The following SGCZ variants were observed in gnomAD, a reference collection of about 807,000 sequenced individuals.
The protein encoded by SGCZ is zeta-sarcoglycan.
In SGCZ, 40 loss-of-function variants were observed where a neutral mutation model predicts 41.3. That is an observed-to-expected ratio of 0.97 (90% CI 0.75 to 1.26). SGCZ has a LOEUF of 1.26. SGCZ is among the 50% of genes most tolerant of loss of function. The pLI, the probability that SGCZ is intolerant of heterozygous loss-of-function variation, is 0.00. For missense variants in SGCZ, 552 were observed against 369.8 expected (o/e 1.49, Z -4.04); for synonymous variants, 206 against 137.5 (o/e 1.50, Z -3.49).
At chr8:15,036,407 G>A (rs1803878694) in intron 1 of SGCZ, among the ~76,000 whole-genome samples, 1 of 152,074 alleles carries the variant, frequency 6.6e-6, no homozygotes, top group African/African-American at 2.4e-5. Context: ...CTATTGGAGG[G>A]TATAGAGTTG....
intron 1 of SGCZ, among the ~76,000 whole-genome samples, chr8:14,974,910 A>G (rs1483405236): frequency 6.6e-6 from 1 of 151,896 alleles, no homozygotes; most frequent in Non-Finnish European, 1.5e-5. Context: ...TCTGCCTCCA[A>G]TCTGGACCAA....
intron 1 of SGCZ, among the ~76,000 whole-genome samples, chr8:15,046,940 A>G (rs532955959): frequency 2.0e-5 from 3 of 152,066 alleles, no homozygotes; most frequent in Non-Finnish European, 4.4e-5. Flanking sequence ...AAAAACTTTC[A>G]AAATTGTTCA....
intron 1 of SGCZ, among the ~76,000 whole-genome samples, chr8:14,627,650 A>G (rs895403422): frequency 3.3e-5 from 5 of 152,078 alleles, no homozygotes; most frequent in African/African-American, 1.2e-4. Context: ...CCTATGAAAT[A>G]TTCTCATTTT....
chr8:14,552,552 C>T (rs1803903958), intron 2 of SGCZ, among the ~76,000 whole-genome samples: 1 of 152,162 alleles, frequency 6.6e-6, no homozygotes, highest in East Asian at 1.9e-4. Context: ...TAAATACCAA[C>T]ACTCCTATGG....
intron 1 of SGCZ, among the ~76,000 whole-genome samples, chr8:15,164,768 T>G (rs748257506): frequency 4.6e-5 from 7 of 152,040 alleles, no homozygotes; most frequent in Non-Finnish European, 1.0e-4. Context: ...GCCAATCTGG[T>G]GTGCTTTGCA....
At chr8:14,509,647 T>C (rs2117071760) in intron 2 of SGCZ, among the ~76,000 whole-genome samples, 1 of 152,252 alleles carries the variant, frequency 6.6e-6, no homozygotes, top group South Asian at 2.1e-4. Flanking sequence ...AGAGGCCTTT[T>C]CACTCCCACA....
At chr8:15,161,708 C>T (rs892014502) in intron 1 of SGCZ, among the ~76,000 whole-genome samples, 2 of 152,080 alleles carry the variant, frequency 1.3e-5, no homozygotes, top group African/African-American at 4.8e-5. Flanking sequence ...TAACAAAATA[C>T]AAATAAGTCA....
intron 1 of SGCZ, among the ~76,000 whole-genome samples, chr8:14,765,295 AAAAC>A (rs1370580680): frequency 2.6e-5 from 4 of 152,256 alleles, no homozygotes; most frequent in African/African-American, 9.6e-5. Context: ...ATAGAACTAC[AAAAC>A]AAACAGAATA....
chr8:14,147,956 G>T (rs1230541011), intron 5 of SGCZ, among the ~76,000 whole-genome samples: 1 of 152,084 alleles, frequency 6.6e-6, no homozygotes, highest in South Asian at 2.1e-4. Context: ...TCAATGATCA[G>T]TGTGTCAATA....
At chr8:14,273,076 A>G (rs571452174) in intron 3 of SGCZ, among the ~76,000 whole-genome samples, 1 of 152,208 alleles carries the variant, frequency 6.6e-6, no homozygotes, top group South Asian at 2.1e-4. Flanking sequence ...ACAATTTCTT[A>G]ATTTTTCTGG....
At chr8:14,115,756 G>A (rs962985085) in intron 5 of SGCZ, among the ~76,000 whole-genome samples, 2 of 150,770 alleles carry the variant, frequency 1.3e-5, no homozygotes, top group Non-Finnish European at 3.0e-5. Flanking sequence ...CATTTATTTA[G>A]AAATCTCCCA....
intron 5 of SGCZ, among the ~76,000 whole-genome samples, chr8:14,160,422 G>C (rs1804004865): frequency 6.6e-6 from 1 of 152,126 alleles, no homozygotes; most frequent in African/African-American, 2.4e-5. Context: ...TGTTGACTAG[G>C]TCTCAAAAGA....
chr8:14,864,017 A>G (rs1803842889), intron 1 of SGCZ, among the ~76,000 whole-genome samples: 1 of 152,154 alleles, frequency 6.6e-6, no homozygotes, highest in Non-Finnish European at 1.5e-5. Context: ...TTAAAACAGA[A>G]CGCGACCTTC....
intron 3 of SGCZ, among the ~76,000 whole-genome samples, chr8:14,273,056 A>C (rs1450241134): frequency 1.3e-5 from 2 of 151,892 alleles, no homozygotes; most frequent in African/African-American, 4.8e-5. Context: ...TTGTATACAA[A>C]ATTTTGTATA....
chr8:14,510,154 A>T (rs1398696227), intron 2 of SGCZ, among the ~76,000 whole-genome samples: 1 of 152,156 alleles, frequency 6.6e-6, no homozygotes, highest in Non-Finnish European at 1.5e-5. Flanking sequence ...AGAAAAATAT[A>T]ATTTCGTATT....
chr8:14,163,203 A>G (rs1299695708), intron 5 of SGCZ, among the ~76,000 whole-genome samples: 1 of 152,124 alleles, frequency 6.6e-6, no homozygotes, highest in African/African-American at 2.4e-5. Context: ...AGTACATGTG[A>G]AGGTTTGTTA....
chr8:14,862,608 T>TTATA lies in SGCZ; in HGVS notation c.40-307686_40-307683dup, dbSNP rs200929485. 5.3e-5 allele frequency among the ~76,000 whole-genome samples: 7 copies of TTATA among 133,024 alleles called. No individual in the cohort carries two copies. The East Asian group carries it at 1.4e-3, about 27-fold the overall frequency. 87.3% of individuals were successfully genotyped at this position (133,024 alleles called of 152,430 possible). ...CACACACAATTGCAAAACATACATT[T>TTATA]TATATATATATATGTGTTGCAAAAA... On this transcript the variant is annotated intron_variant, in intron 1 of 7. Coordinates refer to ENST00000382080, the MANE Select transcript of SGCZ (RefSeq NM_139167.4).
intron 1 of SGCZ, among the ~76,000 whole-genome samples, chr8:15,101,313 T>A (rs1487846523): frequency 6.6e-6 from 1 of 152,124 alleles, no homozygotes; most frequent in Non-Finnish European, 1.5e-5. Context: ...AGTCAAAGAC[T>A]GGGAGAAAAC....
intron 1 of SGCZ, among the ~76,000 whole-genome samples, chr8:14,734,478 G>A (rs546769197): frequency 2.0e-5 from 3 of 152,208 alleles, no homozygotes; most frequent in Non-Finnish European, 4.4e-5. Flanking sequence ...TACCTTCAAA[G>A]AAGCACCGTA....
Sources: allele counts gnomAD v4.1 joint callset (sites outside exome capture counted in the v4.1 genomes callset), GRCh38; gene constraint gnomAD v4.1.1; transcripts MANE v1.5; gene names NCBI Gene and HGNC (gene_info 2026-07-23, HGNC 2026-07-21).